IQCM: variants seen among roughly 807,000 people sequenced by gnomAD.
IQCM encodes the protein IQ motif containing M, also known as IQ domain-containing protein M.
IQCM carries 45 observed loss-of-function variants against 57.6 expected under a neutral mutation model. The ratio of observed to expected loss-of-function variants is 0.78; its 90% CI spans 0.62 to 1.00. IQCM has a LOEUF of 1.00. IQCM is among the 50% of genes least tolerant of loss of function. IQCM has a pLI of 0.00. For missense variants in IQCM, 468 were observed against 511.6 expected (o/e 0.91, Z 0.82); for synonymous variants, 148 against 158.9 (o/e 0.93, Z 0.51).
At chr4:149,465,737 A>T (rs1738787540) in intron 12 of IQCM, among the ~76,000 whole-genome samples, 1 of 152,140 alleles carries the variant, frequency 6.6e-6, no homozygotes, top group African/African-American at 2.4e-5. Context: ...AAGGAAAAAA[A>T]AAAGTTTTTT....
intron 8 of IQCM, among the ~76,000 whole-genome samples, chr4:149,620,684 G>C (rs1756251246): frequency 6.6e-6 from 1 of 152,194 alleles, no homozygotes; most frequent in African/African-American, 2.4e-5. Flanking sequence ...TCCTGGATTA[G>C]AGTCTTCATT....
In IQCM at chr4:149,577,819, G is replaced by A. The variant is rs141477731; in HGVS notation, c.749+10111C>T. Reference sequence around the variant, plus strand: ...ATTAAATCTGTACATTGCTTCGGGCGGTATGGCCATTTTAACACTACTGAT... The same window carrying A: ...ATTAAATCTGTACATTGCTTCGGGCAGTATGGCCATTTTAACACTACTGAT... On this transcript the variant is annotated intron_variant, in intron 9 of 13. Transcript: ENST00000636793. Among the ~76,000 whole-genome samples the A allele has an allele frequency of 7.4e-4, 113 of 151,850 alleles. 1 individual carries two copies. The highest frequency in any genetic ancestry group is 2.4e-3 in the Admixed American group (37 of 15,220).
At position 149,781,987 on chromosome 4, in the gene IQCM, T is replaced by C. The variant is rs574328546; in HGVS notation, c.-49+33324A>G. On this transcript the variant is annotated intron_variant, in intron 2 of 13. Transcript: ENST00000636793. ...AATGTATTCTGACTGCGTAAGACAA[T>C]ATTTTTTTTTTAATCTCAGAAAAGA... Among the ~76,000 whole-genome samples, 34 of 151,392 alleles carry C rather than the reference T, an allele frequency of 2.2e-4. No homozygotes were observed. The South Asian group carries it at 7.1e-3, about 32-fold the overall frequency.
chr4:149,606,833 C>A (rs1461268022), intron 8 of IQCM, among the ~76,000 whole-genome samples: 3 of 151,934 alleles, frequency 2.0e-5, no homozygotes, highest in African/African-American at 7.3e-5. Flanking sequence ...AATTAGTGAA[C>A]TCAAAGACAA....
intron 12 of IQCM, among the ~76,000 whole-genome samples, chr4:149,520,388 G>C (rs111532304): frequency 6.6e-6 from 1 of 152,052 alleles, no homozygotes; most frequent in Admixed American, 6.5e-5. Flanking sequence ...CATTTTGCCT[G>C]TTGTCCCAGG....
chr4:149,390,716 T>C lies in IQCM; in HGVS notation c.1391-38650A>G, dbSNP rs140628569. On this transcript the variant is annotated intron_variant, in intron 13 of 13. Coordinates refer to ENST00000636793, the MANE Select transcript of IQCM (RefSeq NM_001363507.2). Reference sequence around the variant, plus strand: ...TTCTTTATTAATATTGTATAACGCATTAATTGACTTTCAGAAGTTAAATCA... The same window carrying C: ...TTCTTTATTAATATTGTATAACGCACTAATTGACTTTCAGAAGTTAAATCA... Among the ~76,000 whole-genome samples the C allele has an allele frequency of 3.3e-3, 508 of 152,048 alleles. 2 individuals are homozygous for C. The highest frequency in any genetic ancestry group is 9.9e-3 in the African/African-American group (413 of 41,534).
intron 13 of IQCM, among the ~76,000 whole-genome samples, chr4:149,367,991 CTTGTTCTCTATTT>C (rs1370945089): frequency 6.6e-6 from 1 of 151,868 alleles, no homozygotes; most frequent in Non-Finnish European, 1.5e-5. Context: ...AGATTGTGTC[CTTGTTCTCTATTT>C]TAAGTAGCTC....
At chr4:149,805,101 T>G (rs961219430) in intron 2 of IQCM, among the ~76,000 whole-genome samples, 1 of 152,068 alleles carries the variant, frequency 6.6e-6, no homozygotes, top group African/African-American at 2.4e-5. Context: ...CCACCAGTAA[T>G]GAGCAGTAAG....
At chr4:149,454,749 T>C (rs999742324) in intron 12 of IQCM, among the ~76,000 whole-genome samples, 1 of 152,048 alleles carries the variant, frequency 6.6e-6, no homozygotes, top group African/African-American at 2.4e-5. Flanking sequence ...AAAGAAGTTA[T>C]GAAAAACCTC....
chr4:149,530,223 A>C (rs79784198), intron 12 of IQCM, among the ~76,000 whole-genome samples: 1,564 of 152,236 alleles, frequency 0.01, 27 homozygotes, highest in African/African-American at 0.036. Context: ...ACATATAAAT[A>C]TATATGTGTG....
intron 11 of IQCM, 32 bp from the exon 12 acceptor site, chr4:149,548,621 T>A (rs777217043): frequency 2.6e-4 from 283 of 1,105,350 alleles, no homozygotes; most frequent in Non-Finnish European, 3.1e-4. Flanking sequence ...AGAAAATATT[T>A]TTTTAAACAA....
intron 2 of IQCM, among the ~76,000 whole-genome samples, chr4:149,757,053 T>C (rs1407219223): frequency 1.3e-5 from 2 of 152,100 alleles, no homozygotes; most frequent in African/African-American, 4.8e-5. Flanking sequence ...GGTCAGGAGA[T>C]CCAGACCATC....
At chr4:149,401,586 C>T (rs1434802591) in intron 13 of IQCM, among the ~76,000 whole-genome samples, 1 of 151,710 alleles carries the variant, frequency 6.6e-6, no homozygotes, top group Non-Finnish European at 1.5e-5. Flanking sequence ...TAGCAAACAT[C>T]TCATGGAAAT....
intron 2 of IQCM, among the ~76,000 whole-genome samples, chr4:149,795,553 G>C (rs1773036154): frequency 6.6e-6 from 1 of 152,112 alleles, no homozygotes; most frequent in Non-Finnish European, 1.5e-5. Context: ...AGAGCCAATG[G>C]ACTCACGGGA....
intron 12 of IQCM, among the ~76,000 whole-genome samples, chr4:149,435,774 T>C (rs1338121128): frequency 6.6e-6 from 1 of 151,634 alleles, no homozygotes; most frequent in Admixed American, 6.6e-5. Context: ...TTTGTGTGTT[T>C]ATTTGTAATA....
chr4:149,747,845 C>T (rs1768076013), intron 2 of IQCM, among the ~76,000 whole-genome samples: 1 of 152,052 alleles, frequency 6.6e-6, no homozygotes, highest in Non-Finnish European at 1.5e-5. Context: ...TAATATATTA[C>T]CCAGAACCAG....
intron 2 of IQCM, among the ~76,000 whole-genome samples, chr4:149,778,465 T>C (rs183026612): frequency 1.3e-5 from 2 of 152,294 alleles, no homozygotes; most frequent in African/African-American, 2.4e-5. Context: ...TTTATAGCAC[T>C]GAATGCTTAC....
chr4:149,588,093 G>C, intron 8 of IQCM, 96 bp from the exon 9 acceptor site: 1 of 445,898 alleles, frequency 2.2e-6, no homozygotes, highest in Non-Finnish European at 3.7e-6. Context: ...ATTATCAAAG[G>C]GAGAATCATT....
chr4:149,646,220 C>A (rs1317124816), intron 7 of IQCM, among the ~76,000 whole-genome samples: 1 of 152,070 alleles, frequency 6.6e-6, no homozygotes, highest in East Asian at 1.9e-4. Flanking sequence ...TATTATACTT[C>A]CCCTTAATTA....
Sources: gnomAD v4.1 joint callset for allele counts (sites outside exome capture counted in the v4.1 genomes callset) on GRCh38, gnomAD v4.1.1 for gene constraint, MANE v1.5 for transcripts, NCBI Gene and HGNC (gene_info 2026-07-23, HGNC 2026-07-21) for gene names.